The following C6orf163 variants were observed in gnomAD, a reference collection of about 807,000 sequenced individuals.
C6orf163 encodes uncharacterized protein C6orf163.
Under a neutral mutation model 28.4 loss-of-function variants are expected in C6orf163, and 22 were observed. The observed-to-expected ratio is 0.78, with a 90% confidence interval of 0.55 to 1.11. The LOEUF (loss-of-function observed/expected upper bound fraction) is 1.11, where lower values mean the gene tolerates loss of function less well. Among genes scored for constraint, C6orf163 ranks in the 50% least tolerant of loss-of-function variants. The pLI is 0.00. For missense variants in C6orf163, 342 were observed against 389.1 expected (o/e 0.88, Z 1.02); for synonymous variants, 110 against 123.6 (o/e 0.89, Z 0.73).
At chr6:87,351,600 G>C (rs1777413909) in intron 3 of C6orf163, among the ~76,000 whole-genome samples, 1 of 152,216 alleles carries the variant, frequency 6.6e-6, no homozygotes, top group Non-Finnish European at 1.5e-5. Flanking sequence ...CCCCATTTCA[G>C]TTCAAAATGT....
At chr6:87,356,690 T>C (rs1777507697) in intron 4 of C6orf163, 187 bp downstream of exon 4, 1 of 577,256 alleles carries the variant, frequency 1.7e-6, no homozygotes, top group African/African-American at 1.9e-5. Flanking sequence ...TAAAGAAAAA[T>C]AATAACATAA....
intron 4 of C6orf163, chr6:87,358,415 G>C (rs1468216576): frequency 6.6e-6 from 1 of 152,082 alleles, no homozygotes; most frequent in African/African-American, 2.4e-5. Context: ...AGACCATCCT[G>C]TCTAACAAGG....
chr6:87,360,291 G>A (rs1324629080), intron 4 of C6orf163, among the ~76,000 whole-genome samples: 1 of 151,812 alleles, frequency 6.6e-6, no homozygotes, highest in Non-Finnish European at 1.5e-5. Flanking sequence ...AAAAATACAG[G>A]TAGACTAATT....
Position 87,350,432 on chromosome 6 carries a change from T to C in C6orf163, c.282T>C (p.Leu94=), listed in dbSNP as rs1562229269. 7 of 1,535,602 alleles carry C rather than the reference T, an allele frequency of 4.6e-6. No individual in the cohort carries two copies. Among genetic ancestry groups the C allele is most frequent in the East Asian group, 4.9e-5 (2 of 40,882 alleles). Residue 94 remains leucine, a synonymous_variant, in exon 3 of 5, where the codon CTT becomes CTC. Coordinates refer to ENST00000388923, the MANE Select transcript of C6orf163 (RefSeq NM_001010868.3). ...AAAAACAAGCAGTGGAGAAAGCACT[T>C]GAAGAAGCAAATGACAGACACAAAA... is the stretch of plus-strand genomic sequence containing the variant. ...ERQKQAVEKA[L]EEANDRHKIE...
Position 87,350,393 on chromosome 6 carries a change from G to A in C6orf163, c.244-1G>A. Reference sequence around the variant, plus strand: ...AGATAAATGGACTCTTTCTTTCAAAGGCTAATGAACGTCAAAAACAAGCAG... The same window carrying A: ...AGATAAATGGACTCTTTCTTTCAAAAGCTAATGAACGTCAAAAACAAGCAG... On this transcript the variant is annotated splice_acceptor_variant, in intron 2 of 4. Transcript: ENST00000388923. LOFTEE classifies it high-confidence loss of function. The A allele has an allele frequency of 1.3e-6, 2 of 1,519,598 alleles. No homozygotes were observed. The highest frequency in any genetic ancestry group is 1.8e-6 in the Non-Finnish European group (2 of 1,133,150). The allele number at this position is 1,519,598 out of a possible 1,614,324, so 94.1% of individuals were successfully genotyped here. A position where few individuals can be genotyped will look rare whatever the true frequency, so the allele number is the denominator to read the frequency against.
chr6:87,352,088 A>C (rs1479239974), intron 3 of C6orf163, among the ~76,000 whole-genome samples: 5 of 124,436 alleles, frequency 4.0e-5, no homozygotes, highest in African/African-American at 1.4e-4. Flanking sequence ...TAAATAGTTA[A>C]AGGGGGATCG....
At chr6:87,347,276 C>T in intron 1 of C6orf163, 1 of 423,250 alleles carries the variant, frequency 2.4e-6, no homozygotes, top group Non-Finnish European at 3.2e-6. Context: ...GAGATTCATC[C>T]AAGTTGTTTA....
chr6:87,346,761 TA>T (rs1161523391), intron 1 of C6orf163, among the ~76,000 whole-genome samples: 1 of 152,206 alleles, frequency 6.6e-6, no homozygotes, highest in East Asian at 1.9e-4. Context: ...ACAGAGCCAC[TA>T]AATTAGGACC....
In C6orf163 at chr6:87,355,000, G is replaced by T. The variant is rs1171473754; in HGVS notation, c.352-1301G>T. On this transcript the variant is annotated intron_variant, in intron 3 of 4. Transcript: ENST00000388923. ...TCTTCAGCCAGGAGAACTCTTACTGGTTTTATTCCTTTCTATTCTGGGTAA... is the reference window on the plus strand; with the variant it reads ...TCTTCAGCCAGGAGAACTCTTACTGTTTTTATTCCTTTCTATTCTGGGTAA... 2.0e-5 allele frequency among the ~76,000 whole-genome samples: 3 copies of T among 152,138 alleles called. No individual in the cohort carries two copies. In the East Asian group the frequency reaches 5.8e-4, roughly 29 times the overall value.
chr6:87,350,387 T>C lies in C6orf163; in HGVS notation c.244-7T>C. On this transcript the variant is annotated splice_region_variant and splice_polypyrimidine_tract_variant and intron_variant, in intron 2 of 4. Transcript: ENST00000388923. Reference sequence around the variant, plus strand: ...ATTAATAGATAAATGGACTCTTTCTTTCAAAGGCTAATGAACGTCAAAAAC... The same window carrying C: ...ATTAATAGATAAATGGACTCTTTCTCTCAAAGGCTAATGAACGTCAAAAAC... 1 of 1,510,210 alleles carries C rather than the reference T, an allele frequency of 6.6e-7. No individual in the cohort carries two copies. Among genetic ancestry groups the C allele is most frequent in the Non-Finnish European group, 8.9e-7 (1 of 1,125,314 alleles). The allele number at this position is 1,510,210 out of a possible 1,614,324, so 93.6% of individuals were successfully genotyped here. A position where few individuals can be genotyped will look rare whatever the true frequency, so the allele number is the denominator to read the frequency against.
intron 3 of C6orf163, among the ~76,000 whole-genome samples, chr6:87,354,889 C>T (rs1777475070): frequency 6.6e-6 from 1 of 152,196 alleles, no homozygotes; most frequent in South Asian, 2.1e-4. Flanking sequence ...CTCTCAGCTT[C>T]AGCTGAGGAT....
intron 4 of C6orf163, chr6:87,356,779 ATATCT>A (rs1029647317): frequency 9.0e-6 from 3 of 333,924 alleles, no homozygotes; most frequent in African/African-American, 2.1e-5. Flanking sequence ...TTCCTCAATC[ATATCT>A]TCTTCTTGTC....
chr6:87,356,271 T>C (rs1216706147), intron 3 of C6orf163, 30 bp from the exon 4 acceptor site: 1 of 1,537,624 alleles, frequency 6.5e-7, no homozygotes, highest in South Asian at 1.2e-5. Flanking sequence ...AAGTCTGTAA[T>C]AGCTAAACCT....
chr6:87,358,843 G>T (rs1347873939), intron 4 of C6orf163, among the ~76,000 whole-genome samples: 1 of 152,130 alleles, frequency 6.6e-6, no homozygotes, highest in East Asian at 1.9e-4. Flanking sequence ...GAGGGTTAAG[G>T]CCTTAAAGGG....
chr6:87,361,412 T>C (rs970852540), intron 4 of C6orf163, among the ~76,000 whole-genome samples: 1 of 152,130 alleles, frequency 6.6e-6, no homozygotes, highest in Non-Finnish European at 1.5e-5. Flanking sequence ...GCTGGCGTCA[T>C]CCAAGATATA....
chr6:87,347,499 A>G (rs1209393305), intron 1 of C6orf163: 2 of 985,318 alleles, frequency 2.0e-6, no homozygotes, highest in Non-Finnish European at 2.4e-6. Context: ...AATCTTTTCT[A>G]ATTATTTCTA....
At chr6:87,348,947 G>C (rs1158243324) in intron 2 of C6orf163, 41 bp downstream of exon 2, 1 of 1,532,298 alleles carries the variant, frequency 6.5e-7, no homozygotes, top group Non-Finnish European at 8.7e-7. Flanking sequence ...CATCTTTACC[G>C]TTCTTTCACA....
chr6:87,345,459 T>C (rs1291596932), intron 1 of C6orf163, among the ~76,000 whole-genome samples: 2 of 152,198 alleles, frequency 1.3e-5, no homozygotes, highest in Non-Finnish European at 2.9e-5. Flanking sequence ...TTTCCTTATG[T>C]GGAAATAAAT....
At chr6:87,355,706 A>G (rs1338820405) in intron 3 of C6orf163, among the ~76,000 whole-genome samples, 2 of 152,198 alleles carry the variant, frequency 1.3e-5, no homozygotes, top group Non-Finnish European at 2.9e-5. Flanking sequence ...CCTTCACTAG[A>G]CAGTGAATCC....
Sources: gnomAD v4.1 joint callset for allele counts (sites outside exome capture counted in the v4.1 genomes callset) on GRCh38, gnomAD v4.1.1 for gene constraint, MANE v1.5 for transcripts, NCBI Gene and HGNC (gene_info 2026-07-23, HGNC 2026-07-21) for gene names.